VIPR2: variants seen among roughly 807,000 people sequenced by gnomAD.
VIPR2 encodes vasoactive intestinal peptide receptor 2.
Under a neutral mutation model 58.0 loss-of-function variants are expected in VIPR2, and 48 were observed. The ratio of observed to expected loss-of-function variants is 0.83; its 90% CI spans 0.66 to 1.05. VIPR2 has a LOEUF of 1.05. VIPR2 is among the 50% of genes least tolerant of loss of function. VIPR2 has a pLI of 0.00. For missense variants in VIPR2, 534 were observed against 558.0 expected (o/e 0.96, Z 0.43); for synonymous variants, 243 against 235.2 (o/e 1.03, Z -0.30).
At position 159,028,640 on chromosome 7, in the gene VIPR2, G is replaced by C. The variant is rs1853364108; in HGVS notation, c.*1976C>G. On this transcript the variant is annotated 3_prime_UTR_variant, in exon 13 of 13. Transcript: ENST00000262178. Reference sequence around the variant, plus strand: ...GCTCCCTTTTGTCCTTTGAAAGCTGGGCAAGGCTGGGGGTGGGTCTGTCCA... The same window carrying C: ...GCTCCCTTTTGTCCTTTGAAAGCTGCGCAAGGCTGGGGGTGGGTCTGTCCA... The C allele has an allele frequency of 6.6e-6, 1 of 152,356 alleles. No individual in the cohort carries two copies. Among genetic ancestry groups the C allele is most frequent in the African/African-American group, 2.4e-5 (1 of 41,454 alleles). 9.4% of individuals were successfully genotyped at this position (152,356 alleles called of 1,614,324 possible). A position where few individuals can be genotyped will look rare whatever the true frequency, so the allele number is the denominator to read the frequency against.
intron 2 of VIPR2, among the ~76,000 whole-genome samples, chr7:159,129,731 G>A (rs1796813421): frequency 7.0e-6 from 1 of 142,712 alleles, no homozygotes; most frequent in Non-Finnish European, 1.5e-5. Context: ...GGCCTCTGGC[G>A]GGGACAGGGC....
At chr7:159,119,627 C>T (rs1796378097) in intron 2 of VIPR2, among the ~76,000 whole-genome samples, 1 of 152,256 alleles carries the variant, frequency 6.6e-6, no homozygotes, top group East Asian at 1.9e-4. Context: ...CACCACCAGT[C>T]CCATCTCCCA....
At chr7:159,061,555 G>C (rs1855653333) in intron 4 of VIPR2, among the ~76,000 whole-genome samples, 1 of 151,904 alleles carries the variant, frequency 6.6e-6, no homozygotes, top group African/African-American at 2.4e-5. Context: ...TGGGGAGACT[G>C]AGGTAGGAGG....
In VIPR2 at chr7:159,086,726, G is replaced by A. The variant is rs1163543938; in HGVS notation, c.357+17031C>T. Among the ~76,000 whole-genome samples the A allele has an allele frequency of 6.6e-5, 10 of 152,206 alleles. No individual in the cohort carries two copies. The East Asian group carries it at 7.7e-4, about 12-fold the overall frequency. On this transcript the variant is annotated intron_variant, in intron 4 of 12. Transcript: ENST00000262178. ...CTGGGTCTGAGTTCTGCCTGCCTCC[G>A]AGCGCCTGCCCAGGACCCTTGGCTC... is the stretch of plus-strand genomic sequence containing the variant.
Position 159,105,787 on chromosome 7 carries a change from A to G in VIPR2, c.260-1933T>C, listed in dbSNP as rs12112493. Among the ~76,000 whole-genome samples, 238 of 152,340 alleles carry G rather than the reference A, an allele frequency of 1.6e-3. 1 individual carries two copies. The highest frequency in any genetic ancestry group is 5.6e-3 in the African/African-American group (233 of 41,570). On this transcript the variant is annotated intron_variant, in intron 3 of 12. Coordinates refer to ENST00000262178, the MANE Select transcript of VIPR2 (RefSeq NM_003382.5). ...CCTAGAGACCTGGTCCCACGGCCCCATTGTGCAGACAAGGAGACAGGTCCA... is the reference window on the plus strand; with the variant it reads ...CCTAGAGACCTGGTCCCACGGCCCCGTTGTGCAGACAAGGAGACAGGTCCA...
At position 159,031,904 on chromosome 7, in the gene VIPR2, G is replaced by A; in HGVS notation, c.1101+34C>T. The A allele has an allele frequency of 1.9e-6, 3 of 1,614,124 alleles. No individual in the cohort carries two copies. Among genetic ancestry groups the A allele is most frequent in the Non-Finnish European group, 2.5e-6 (3 of 1,180,040 alleles). On this transcript the variant is annotated intron_variant, in intron 11 of 12. Coordinates refer to ENST00000262178, the MANE Select transcript of VIPR2 (RefSeq NM_003382.5). This position sits in a 1 kb window ranked among gnomAD's most constrained non-coding sequence, Gnocchi z 4.0. ...GAAGAGATGGTCAGGCAGGACCCGC[G>A]CTCGGGGGAGGGCGGCCGCCTCCGC... is the stretch of plus-strand genomic sequence containing the variant.
At chr7:159,046,501 A>T (rs2129493591) in intron 5 of VIPR2, among the ~76,000 whole-genome samples, 1 of 152,356 alleles carries the variant, frequency 6.6e-6, no homozygotes, top group African/African-American at 2.4e-5. Flanking sequence ...TCCATGGAGA[A>T]GGCAGATTCT....
intron 6 of VIPR2, among the ~76,000 whole-genome samples, chr7:159,040,796 T>C (rs1229729845): frequency 6.6e-6 from 1 of 152,244 alleles, no homozygotes; most frequent in African/African-American, 2.4e-5. Flanking sequence ...ATTCAAAGCC[T>C]GAGCGTTCTT....
At chr7:159,049,198 A>G (rs1854833900) in intron 5 of VIPR2, among the ~76,000 whole-genome samples, 1 of 152,232 alleles carries the variant, frequency 6.6e-6, no homozygotes, top group Non-Finnish European at 1.5e-5. Context: ...AAAAGTATTC[A>G]GAACATTTTG....
At chr7:159,060,952 C>A (rs1260480747) in intron 4 of VIPR2, among the ~76,000 whole-genome samples, 1 of 152,192 alleles carries the variant, frequency 6.6e-6, no homozygotes, top group Non-Finnish European at 1.5e-5. Context: ...CATCAACAGC[C>A]CTATTCACAA....
intron 4 of VIPR2, among the ~76,000 whole-genome samples, chr7:159,083,973 C>G (rs1023105199): frequency 6.6e-6 from 1 of 152,218 alleles, no homozygotes; most frequent in African/African-American, 2.4e-5. Flanking sequence ...CAGATGTGCC[C>G]TTGCTGGATG....
chr7:159,036,065 C>T, intron 7 of VIPR2, 53 bp from the exon 8 acceptor site: 9 of 1,561,252 alleles, frequency 5.8e-6, no homozygotes, highest in Non-Finnish European at 7.8e-6. Flanking sequence ...TGCACGCACA[C>T]AGGTGGGTGC....
At chr7:159,062,680 CTGCAGCAAGAT>C (rs763763752) in intron 4 of VIPR2, among the ~76,000 whole-genome samples, 15 of 68,002 alleles carry the variant, frequency 2.2e-4, no homozygotes, top group Non-Finnish European at 6.2e-4. Flanking sequence ...GCAAGATTTA[CTGCAGCAAGAT>C]TTATTACAAA....
chr7:159,109,967 T>C (rs1231828491), intron 2 of VIPR2, 48 bp from the exon 3 acceptor site: 2 of 1,584,120 alleles, frequency 1.3e-6, no homozygotes, highest in Middle Eastern at 1.7e-4. Flanking sequence ...GACAGAAGTG[T>C]CACAAATAGA....
chr7:159,082,321 C>T (rs563661389), intron 4 of VIPR2, among the ~76,000 whole-genome samples: 36 of 152,206 alleles, frequency 2.4e-4, no homozygotes, highest in Admixed American at 1.2e-3. Flanking sequence ...TGTAGGGACA[C>T]GGATGAAGCT....
At chr7:159,120,007 G>C (rs987664950) in intron 2 of VIPR2, among the ~76,000 whole-genome samples, 3 of 151,982 alleles carry the variant, frequency 2.0e-5, no homozygotes. Context: ...CCCCCTTGGG[G>C]AGGGGACAGT....
At position 159,131,212 on chromosome 7, in the gene VIPR2, C is replaced by T. The variant is rs558694416; in HGVS notation, c.151+11234G>A. Among the ~76,000 whole-genome samples, 3 of 152,294 alleles carry T rather than the reference C, an allele frequency of 2.0e-5. No homozygotes were observed. The East Asian group carries it at 5.8e-4, about 29-fold the overall frequency. On this transcript the variant is annotated intron_variant, in intron 2 of 12. Coordinates refer to ENST00000262178, the MANE Select transcript of VIPR2 (RefSeq NM_003382.5). Reference sequence around the variant, plus strand: ...ACCAGAGAAGAGAAAATGCTGATTTCACAAAGTGGATGGTGAACAAATGGA... The same window carrying T: ...ACCAGAGAAGAGAAAATGCTGATTTTACAAAGTGGATGGTGAACAAATGGA...
intron 4 of VIPR2, among the ~76,000 whole-genome samples, chr7:159,066,715 G>A (rs1856113298): frequency 6.6e-6 from 1 of 152,248 alleles, no homozygotes; most frequent in Non-Finnish European, 1.5e-5. Context: ...TTCAAGGCAA[G>A]TTTCCCTATG....
intron 7 of VIPR2, among the ~76,000 whole-genome samples, chr7:159,036,518 A>G (rs142885654): frequency 6.6e-6 from 1 of 152,208 alleles, no homozygotes; most frequent in East Asian, 1.9e-4. Flanking sequence ...GCCCAGTTTG[A>G]ATGGGGGTAC....
Sources: allele counts gnomAD v4.1 joint callset (sites outside exome capture counted in the v4.1 genomes callset), GRCh38; gene constraint gnomAD v4.1.1; non-coding constraint Gnocchi (gnomAD v3.1); transcripts MANE v1.5; gene names NCBI Gene and HGNC (gene_info 2026-07-23, HGNC 2026-07-21).